The following GRIN2A variants were observed in gnomAD, a reference collection of about 807,000 sequenced individuals.
GRIN2A encodes the protein glutamate receptor ionotropic, NMDA 2A.
Under a neutral mutation model 113.4 loss-of-function variants are expected in GRIN2A, and 22 were observed. The observed-to-expected ratio is 0.19, with a 90% CI of 0.14 to 0.28. GRIN2A has a LOEUF of 0.28. Ranked by LOEUF, GRIN2A falls within the 10% of genes least tolerant of loss-of-function variation. The pLI is 1.00. For missense variants in GRIN2A, 1,502 were observed against 1,887.0 expected (o/e 0.80, Z 3.78); for synonymous variants, 827 against 738.4 (o/e 1.12, Z -1.94).
rs562696381 is a variant in GRIN2A at position 10,093,556 on chromosome 16, T to TTTA, written c.414+86441_414+86442insTAA. ...GTCAGGTGGCATCGATCAGCTTTAA[T>TTTA]CAGCCTTATATTTAAGAGCTAGAGT... On this transcript the variant is annotated intron_variant, in intron 2 of 12. Transcript: ENST00000330684. 1.1e-3 allele frequency among the ~76,000 whole-genome samples: 162 copies of TTTA among 152,150 alleles called. 1 individual carries two copies. Among genetic ancestry groups the TTTA allele is most frequent in the Admixed American group, 4.9e-3 (75 of 15,274 alleles).
chr16:10,014,936 A>G (rs1436468092), intron 2 of GRIN2A, among the ~76,000 whole-genome samples: 2 of 152,160 alleles, frequency 1.3e-5, no homozygotes, highest in Non-Finnish European at 2.9e-5. Context: ...GGAGGACATT[A>G]GAAGGTTGTT....
intron 2 of GRIN2A, among the ~76,000 whole-genome samples, chr16:10,018,946 C>T (rs2046662320): frequency 6.6e-6 from 1 of 152,118 alleles, no homozygotes. Flanking sequence ...GCAGCTCAGA[C>T]CCCACTTTTT....
intron 2 of GRIN2A, among the ~76,000 whole-genome samples, chr16:10,128,839 G>A (rs750151805): frequency 4.6e-5 from 7 of 152,186 alleles, no homozygotes; most frequent in Admixed American, 1.3e-4. Flanking sequence ...TTTCTTAGGA[G>A]CATAATACAG....
chr16:10,136,356 C>T (rs1267812708), intron 2 of GRIN2A, among the ~76,000 whole-genome samples: 1 of 152,090 alleles, frequency 6.6e-6, no homozygotes, highest in Non-Finnish European at 1.5e-5. Context: ...GCTCAAATAG[C>T]AACAAAAACT....
chr16:9,976,967 G>C (rs2141759067), intron 2 of GRIN2A, among the ~76,000 whole-genome samples: 1 of 152,286 alleles, frequency 6.6e-6, no homozygotes, highest in East Asian at 1.9e-4. Flanking sequence ...AGATTCACTG[G>C]AGACCTGAAA....
intron 2 of GRIN2A, among the ~76,000 whole-genome samples, chr16:10,102,391 C>T (rs996403590): frequency 1.4e-4 from 21 of 152,202 alleles, no homozygotes; most frequent in African/African-American, 3.9e-4. Flanking sequence ...TCACCTTCCA[C>T]CATGATTGGA....
chr16:9,842,615 T>C (rs1173960068), intron 5 of GRIN2A, among the ~76,000 whole-genome samples: 1 of 152,170 alleles, frequency 6.6e-6, no homozygotes, highest in Non-Finnish European at 1.5e-5. Context: ...GATGAGCTTA[T>C]GAAATAACTG....
intron 10 of GRIN2A, among the ~76,000 whole-genome samples, chr16:9,803,282 C>T (rs951920091): frequency 3.9e-5 from 6 of 152,062 alleles, no homozygotes; most frequent in Non-Finnish European, 5.9e-5. Context: ...TGGCACATGC[C>T]TATAATTCCA....
intron 2 of GRIN2A, among the ~76,000 whole-genome samples, chr16:10,062,864 CAAA>C (rs547484672): frequency 2.4e-5 from 3 of 126,814 alleles, no homozygotes; most frequent in Admixed American, 1.6e-4. Context: ...GACTCTGTTT[CAAA>C]AAAAAAAAAA....
At chr16:10,075,818 T>TA (rs1567280716) in intron 2 of GRIN2A, among the ~76,000 whole-genome samples, 1 of 152,156 alleles carries the variant, frequency 6.6e-6, no homozygotes, top group Admixed American at 6.5e-5. Flanking sequence ...CTAGCTGCTC[T>TA]AAATATCCAA....
At position 10,047,952 on chromosome 16, in the gene GRIN2A, C is replaced by T. The variant is rs548690785; in HGVS notation, c.415-109401G>A. On this transcript the variant is annotated intron_variant, in intron 2 of 12. Transcript: ENST00000330684. ...TGGTGGGCTCCCTCTCCTTTTATCA[C>T]CTCCTGTCTCCCCTGCCTGTGACCC... Among the ~76,000 whole-genome samples the T allele has an allele frequency of 2.6e-5, 4 of 152,286 alleles. No individual in the cohort carries two copies. The East Asian group carries it at 5.8e-4, about 22-fold the overall frequency.
intron 3 of GRIN2A, among the ~76,000 whole-genome samples, chr16:9,926,534 G>A (rs2044468636): frequency 6.6e-6 from 1 of 152,140 alleles, no homozygotes; most frequent in South Asian, 2.1e-4. Context: ...GAAGATCTCT[G>A]GAGGTGAGCT....
At chr16:10,007,274 C>T (rs2046420762) in intron 2 of GRIN2A, among the ~76,000 whole-genome samples, 2 of 152,202 alleles carry the variant, frequency 1.3e-5, no homozygotes, top group African/African-American at 4.8e-5. Context: ...CCCCTTCCTC[C>T]ACATCCTCCC....
chr16:10,097,130 C>G (rs573258777), intron 2 of GRIN2A, among the ~76,000 whole-genome samples: 1 of 152,124 alleles, frequency 6.6e-6, no homozygotes, highest in East Asian at 1.9e-4. Context: ...TTTTTAACAG[C>G]GAGATCAGGC....
intron 3 of GRIN2A, among the ~76,000 whole-genome samples, chr16:9,930,403 T>G (rs1159883678): frequency 6.6e-6 from 1 of 152,230 alleles, no homozygotes; most frequent in African/African-American, 2.4e-5. Context: ...CAGCACTGTC[T>G]AAGTCTACAT....
chr16:9,756,841 C>T lies in GRIN2A; in HGVS notation c.*6308G>A, dbSNP rs1398588387. On this transcript the variant is annotated 3_prime_UTR_variant, in exon 13 of 13. Transcript: ENST00000330684. ...AGTGACAAAAGCTCCCTCTCCACCT[C>T]GCCATCCTTCCTGAAATACACCTCT... The T allele has an allele frequency of 2.7e-5, 5 of 183,522 alleles. No homozygotes were observed. The highest frequency in any genetic ancestry group is 3.9e-4 in the South Asian group (2 of 5,076). 11.4% of individuals were successfully genotyped at this position (183,522 alleles called of 1,614,324 possible).
intron 2 of GRIN2A, among the ~76,000 whole-genome samples, chr16:10,078,761 G>A (rs1192274148): frequency 6.6e-6 from 1 of 152,182 alleles, no homozygotes; most frequent in African/African-American, 2.4e-5. Context: ...GTGAGAAGCT[G>A]CTGGGGAGCT....
intron 11 of GRIN2A, among the ~76,000 whole-genome samples, chr16:9,772,370 T>C (rs988224269): frequency 1.3e-5 from 2 of 151,916 alleles, no homozygotes; most frequent in Admixed American, 6.6e-5. Context: ...CCTTTGGAGG[T>C]ATTTTGTTTT....
intron 2 of GRIN2A, among the ~76,000 whole-genome samples, chr16:10,069,316 G>C (rs1234014172): frequency 6.6e-6 from 1 of 152,202 alleles, no homozygotes. Flanking sequence ...GGGGATGAGA[G>C]AAAGAGAATG....
Sources: allele counts gnomAD v4.1 joint callset (sites outside exome capture counted in the v4.1 genomes callset), GRCh38; gene constraint gnomAD v4.1.1; transcripts MANE v1.5; gene names NCBI Gene and HGNC (gene_info 2026-07-23, HGNC 2026-07-21).